ASB5: variants seen among roughly 807,000 people sequenced by gnomAD.
ASB5 encodes ankyrin repeat and SOCS box protein 5.
Under a neutral mutation model 42.1 loss-of-function variants are expected in ASB5, and 45 were observed. That is an observed-to-expected ratio of 1.07 (90% CI 0.84 to 1.37). The LOEUF (loss-of-function observed/expected upper bound fraction) is 1.37, where lower values mean the gene tolerates loss of function less well. Among genes scored for constraint, ASB5 ranks in the 40% most tolerant of loss-of-function variants. ASB5 has a pLI of 0.00. For synonymous variants in ASB5, 147 were observed against 150.6 expected (o/e 0.98, Z 0.18); for missense variants, 402 against 399.8 (o/e 1.01, Z -0.05).
rs561029519 is a variant in ASB5, at chr4:176,274,952, T to C, written c.-90+844A>G. ...TTTTTTGAGATGGAGTCTTACTCTG[T>C]CGCCCAGGCTGGAGTGCAGTGGCAC... On this transcript the variant is annotated intron_variant, in intron 2 of 2. Transcript: ENST00000505299. Among the ~76,000 whole-genome samples, 9 of 145,710 alleles carry C rather than the reference T, an allele frequency of 6.2e-5. No homozygotes were observed. The South Asian group carries it at 2.0e-3, about 32-fold the overall frequency.
chr4:176,231,190 C>T (rs888368690), intron 1 of ASB5, among the ~76,000 whole-genome samples: 5 of 151,602 alleles, frequency 3.3e-5, no homozygotes, highest in African/African-American at 1.2e-4. Flanking sequence ...CACGGCACTT[C>T]ACACCAGCCA....
intron 1 of ASB5, among the ~76,000 whole-genome samples, chr4:176,276,525 T>C (rs1754566769): frequency 6.6e-6 from 1 of 152,230 alleles, no homozygotes; most frequent in Non-Finnish European, 1.5e-5. Context: ...AGCTGTAACT[T>C]CTTAAGAAAT....
chr4:176,270,229 T>C (rs1420445955), upstream of ASB5, among the ~76,000 whole-genome samples: 1 of 152,066 alleles, frequency 6.6e-6, no homozygotes, highest in Non-Finnish European at 1.5e-5. Context: ...TATGACTGGG[T>C]TTGGGGCCTG....
At chr4:176,246,589 C>T (rs17679314) in intron 1 of ASB5, among the ~76,000 whole-genome samples, 12,444 of 152,206 alleles carry the variant, frequency 0.082, 532 homozygotes, top group Non-Finnish European at 0.092. Context: ...AATAATGATA[C>T]GGGGAATGCT....
At chr4:176,227,895 G>A (rs6828924) in intron 1 of ASB5, among the ~76,000 whole-genome samples, 138,996 of 152,186 alleles carry the variant, frequency 0.91, 63,621 homozygotes, top group Non-Finnish European at 0.93. Flanking sequence ...TTTCATTACT[G>A]TATTTTTCCT....
chr4:176,216,420 G>T (rs4361333), intron 6 of ASB5, among the ~76,000 whole-genome samples: 19,678 of 151,988 alleles, frequency 0.13, 1,572 homozygotes, highest in East Asian at 0.36. Context: ...GCGTAATCCT[G>T]GCTCACTGCA....
intron 5 of ASB5, among the ~76,000 whole-genome samples, chr4:176,220,185 C>A (rs534947848): frequency 2.0e-4 from 30 of 152,242 alleles, no homozygotes; most frequent in African/African-American, 7.2e-4. Context: ...ATACAAAATT[C>A]ATGGGAGGGA....
intron 1 of ASB5, among the ~76,000 whole-genome samples, chr4:176,238,944 A>T (rs1288177166): frequency 2.0e-5 from 3 of 152,218 alleles, no homozygotes; most frequent in Non-Finnish European, 4.4e-5. Flanking sequence ...ATGACACCAT[A>T]GTTTCCTTCT....
chr4:176,236,761 C>G (rs1753694901), intron 1 of ASB5, among the ~76,000 whole-genome samples: 1 of 152,118 alleles, frequency 6.6e-6, no homozygotes, highest in African/African-American at 2.4e-5. Context: ...TCTACTAAAA[C>G]TTATGCAAAT....
At chr4:176,250,495 T>A (rs73007201) in intron 1 of ASB5, among the ~76,000 whole-genome samples, 2,118 of 152,292 alleles carry the variant, frequency 0.014, 56 homozygotes, top group African/African-American at 0.048. Context: ...CACTCTCAGC[T>A]TTACAAAATG....
intron 1 of ASB5, among the ~76,000 whole-genome samples, chr4:176,236,739 T>C (rs1025273343): frequency 1.3e-5 from 2 of 152,202 alleles, no homozygotes; most frequent in Non-Finnish European, 2.9e-5. Context: ...TTATCATCTA[T>C]CATACTGGTG....
chr4:176,259,623 T>C (rs1754219629), intron 1 of ASB5, among the ~76,000 whole-genome samples: 1 of 152,200 alleles, frequency 6.6e-6, no homozygotes, highest in Non-Finnish European at 1.5e-5. Context: ...CTGATTTAAT[T>C]CACAAGGGAC....
At chr4:176,252,909 C>CCATT (rs1304660177) in intron 1 of ASB5, among the ~76,000 whole-genome samples, 12 of 152,134 alleles carry the variant, frequency 7.9e-5, no homozygotes, top group Admixed American at 7.9e-4. Context: ...TAACATAATA[C>CCATT]CATTACCTTA....
rs1456005983 is a variant in ASB5 at position 176,259,893 on chromosome 4, GCAT to G, written c.196+9017_196+9019del. The stretch of plus-strand genomic sequence containing the variant: ...CTATTTTACTCAGTGGGTACCGGTG[GCAT>G]GGAAATTTTAGCTGCCCTGATAGAG... On this transcript the variant is annotated intron_variant, in intron 1 of 6. Transcript: ENST00000296525. Among the ~76,000 whole-genome samples, 11 of 152,258 alleles carry G rather than the reference GCAT, an allele frequency of 7.2e-5. No individual in the cohort carries two copies. The Middle Eastern group carries it at 0.02, about 282-fold the overall frequency.
chr4:176,227,865 C>A (rs2126951674), intron 1 of ASB5, among the ~76,000 whole-genome samples: 1 of 152,278 alleles, frequency 6.6e-6, no homozygotes, highest in East Asian at 1.9e-4. Context: ...CTCTCTGGGA[C>A]ATTTTGTTCC....
chr4:176,245,899 G>A (rs1015238531), intron 1 of ASB5, among the ~76,000 whole-genome samples: 4 of 152,048 alleles, frequency 2.6e-5, no homozygotes, highest in Admixed American at 2.0e-4. Context: ...GGCCTGTCGT[G>A]GGGTGGGGAC....
At chr4:176,236,925 C>A (rs1249374235) in intron 1 of ASB5, among the ~76,000 whole-genome samples, 1 of 152,162 alleles carries the variant, frequency 6.6e-6, no homozygotes, top group Non-Finnish European at 1.5e-5. Context: ...CTAAATCATC[C>A]TCCTACTTGA....
At chr4:176,248,776 A>C (rs896579681) in intron 1 of ASB5, among the ~76,000 whole-genome samples, 1 of 152,178 alleles carries the variant, frequency 6.6e-6, no homozygotes, top group African/African-American at 2.4e-5. Context: ...AATAGGTTAA[A>C]CCATATCAAT....
At chr4:176,229,337 T>C (rs1037166797) in intron 1 of ASB5, among the ~76,000 whole-genome samples, 3 of 152,184 alleles carry the variant, frequency 2.0e-5, no homozygotes, top group African/African-American at 7.2e-5. Context: ...CTTTCTAGTA[T>C]ACCATGATGA....
Sources: gnomAD v4.1 joint callset for allele counts (sites outside exome capture counted in the v4.1 genomes callset) on GRCh38, gnomAD v4.1.1 for gene constraint, MANE v1.5 for transcripts, NCBI Gene and HGNC (gene_info 2026-07-23, HGNC 2026-07-21) for gene names.